The following TAB2 variants were observed in gnomAD, a reference collection of about 807,000 sequenced individuals.
TAB2 encodes TGF-beta activated kinase 1 (MAP3K7) binding protein 2.
TAB2 carries 3 observed loss-of-function variants against 65.0 expected under a neutral mutation model. The ratio of observed to expected loss-of-function variants is 0.05; its 90% CI spans 0.02 to 0.12. The LOEUF is 0.12. Among genes scored for constraint, TAB2 ranks in the 10% least tolerant of loss-of-function variants. The probability of loss-of-function intolerance (pLI) is 1.00; values close to 1 mark genes in which losing one functional copy is unlikely to be tolerated. For missense variants in TAB2, 623 were observed against 840.3 expected, an observed-to-expected ratio of 0.74 and a Z score of 3.20; for synonymous variants, 298 against 285.1, an observed-to-expected ratio of 1.05 and a Z score of -0.46.
At chr6:149,298,057 A>T (rs1213405757) in intron 1 of TAB2, among the ~76,000 whole-genome samples, 1 of 152,208 alleles carries the variant, frequency 6.6e-6, no homozygotes, top group Non-Finnish European at 1.5e-5. Flanking sequence ...TTTGCCTAAA[A>T]AGTAGAGTCA....
At chr6:149,331,243 T>G (rs1779773808) in intron 1 of TAB2, among the ~76,000 whole-genome samples, 1 of 152,108 alleles carries the variant, frequency 6.6e-6, no homozygotes, top group African/African-American at 2.4e-5. Flanking sequence ...TTTGTCAGCA[T>G]TTTTTAGTTT....
intron 1 of TAB2, among the ~76,000 whole-genome samples, chr6:149,234,866 A>AG: frequency 7.4e-6 from 1 of 135,266 alleles, no homozygotes; most frequent in Non-Finnish European, 1.5e-5. Flanking sequence ...GAGAGTGTGA[A>AG]AAAAAAAAAA....
At chr6:149,341,376 T>TG (rs1338438088) in intron 1 of TAB2, among the ~76,000 whole-genome samples, 5 of 152,196 alleles carry the variant, frequency 3.3e-5, no homozygotes, top group African/African-American at 1.2e-4. Context: ...ACCTAGTTGT[T>TG]GCTTTAGCAT....
intron 1 of TAB2, among the ~76,000 whole-genome samples, chr6:149,253,961 AG>A (rs1281779436): frequency 2.3e-5 from 1 of 43,870 alleles, no homozygotes; most frequent in African/African-American, 9.0e-5. Flanking sequence ...AGAAAGAAAA[AG>A]AAAGAAAGAA....
chr6:149,340,071 T>G (rs1200485238), intron 1 of TAB2, among the ~76,000 whole-genome samples: 1 of 152,222 alleles, frequency 6.6e-6, no homozygotes, highest in Non-Finnish European at 1.5e-5. Flanking sequence ...GGTGTTGGAC[T>G]AGATAATCTA....
In TAB2 at chr6:149,275,286, A is replaced by G. The variant is rs190077823; in HGVS notation, c.-121+56510A>G. Among the ~76,000 whole-genome samples, 3 of 146,738 alleles carry G rather than the reference A, an allele frequency of 2.0e-5. No individual in the cohort carries two copies. In the East Asian group the frequency reaches 6.0e-4, roughly 29 times the overall value. Reference sequence around the variant, plus strand: ...AAAGAAAGAAAGAAAGAAAGAAAGAAAGAAAGAAAGAAAGAGAAAAAAGAA... The same window carrying G: ...AAAGAAAGAAAGAAAGAAAGAAAGAGAGAAAGAAAGAAAGAGAAAAAAGAA... On this transcript the variant is annotated intron_variant, in intron 1 of 1. Transcript: ENST00000606202.
At chr6:149,239,528 T>C (rs1268308312) in intron 1 of TAB2, among the ~76,000 whole-genome samples, 4 of 152,238 alleles carry the variant, frequency 2.6e-5, no homozygotes, top group Admixed American at 6.5e-5. Context: ...GAAAAGCATA[T>C]GTAAATGTTT....
chr6:149,307,230 CA>C (rs11360339), intron 1 of TAB2, among the ~76,000 whole-genome samples: 8,069 of 152,144 alleles, frequency 0.053, 666 homozygotes, highest in African/African-American at 0.18. Context: ...CACCTTAGCA[CA>C]AGTTGCAAAG....
intron 1 of TAB2, among the ~76,000 whole-genome samples, chr6:149,311,944 T>C (rs972118456): frequency 6.6e-6 from 1 of 152,246 alleles, no homozygotes; most frequent in Non-Finnish European, 1.5e-5. Flanking sequence ...TATGACAGAT[T>C]GTAAATAATT....
chr6:149,239,956 G>T (rs1777568029), intron 1 of TAB2, among the ~76,000 whole-genome samples: 1 of 152,142 alleles, frequency 6.6e-6, no homozygotes, highest in Non-Finnish European at 1.5e-5. Context: ...AGGACTAGAA[G>T]CATACTCCAA....
At chr6:149,273,527 G>C (rs1305363956) in intron 1 of TAB2, among the ~76,000 whole-genome samples, 1 of 152,194 alleles carries the variant, frequency 6.6e-6, no homozygotes, top group Non-Finnish European at 1.5e-5. Context: ...TGCTGTGGAG[G>C]CTGGACCAGA....
intron 1 of TAB2, among the ~76,000 whole-genome samples, chr6:149,318,274 G>T (rs1279946368): frequency 1.7e-4 from 4 of 23,018 alleles, no homozygotes; most frequent in East Asian, 1.1e-3. Context: ...GCGTCCGTGC[G>T]GGGGGGGAGG....
chr6:149,356,731 G>C (rs1048705232), intron 1 of TAB2, among the ~76,000 whole-genome samples: 5 of 152,190 alleles, frequency 3.3e-5, no homozygotes, highest in Non-Finnish European at 7.4e-5. Flanking sequence ...CACCATAGCA[G>C]GTGAGGATGG....
intron 1 of TAB2, among the ~76,000 whole-genome samples, chr6:149,265,316 T>C (rs891601422): frequency 3.9e-5 from 6 of 152,266 alleles, no homozygotes; most frequent in Admixed American, 1.3e-4. Flanking sequence ...GTTCTTGGAA[T>C]TTGTTTGAGG....
chr6:149,345,128 A>G (rs1482335233), intron 1 of TAB2, among the ~76,000 whole-genome samples: 1 of 152,118 alleles, frequency 6.6e-6, no homozygotes, highest in Admixed American at 6.6e-5. Context: ...TGTAATACTT[A>G]GTCAGTTTGA....
intron 2 of TAB2, 100 bp downstream of exon 2, chr6:149,370,199 T>C: frequency 9.3e-7 from 1 of 1,077,210 alleles, no homozygotes; most frequent in Non-Finnish European, 1.4e-6. Flanking sequence ...TTGGTGTTAG[T>C]GTATTATGAT....
At position 149,274,361 on chromosome 6, in the gene TAB2, A is replaced by G. The variant is rs544490655; in HGVS notation, c.-121+55585A>G. On this transcript the variant is annotated intron_variant, in intron 1 of 1. Transcript: ENST00000606202. ...ATAGAAAATGTTTCTCTTGTTCCAT[A>G]ACTCTAATTGAAAGCAGCTTATTAC... 1.5e-4 allele frequency among the ~76,000 whole-genome samples: 23 copies of G among 152,342 alleles called. 1 individual carries two copies. The East Asian group carries it at 4.4e-3, about 29-fold the overall frequency.
At chr6:149,329,541 G>A (rs1779719960) in intron 1 of TAB2, among the ~76,000 whole-genome samples, 1 of 152,094 alleles carries the variant, frequency 6.6e-6, no homozygotes, top group South Asian at 2.1e-4. Context: ...GAGAATGCTT[G>A]TCTTGATTAG....
At chr6:149,337,773 T>C (rs767700922) in intron 1 of TAB2, among the ~76,000 whole-genome samples, 1 of 152,194 alleles carries the variant, frequency 6.6e-6, no homozygotes, top group Non-Finnish European at 1.5e-5. Context: ...TAATCTCTTA[T>C]ACTATACTTA....
Sources: gnomAD v4.1 joint callset for allele counts (sites outside exome capture counted in the v4.1 genomes callset) on GRCh38, gnomAD v4.1.1 for gene constraint, MANE v1.5 for transcripts, NCBI Gene and HGNC (gene_info 2026-07-23, HGNC 2026-07-21) for gene names.